SLC44A5: variants seen among roughly 807,000 people sequenced by gnomAD.
The protein encoded by SLC44A5 is solute carrier family 44 member 5, also known as choline transporter-like protein 5.
SLC44A5 carries 57 observed loss-of-function variants against 101.8 expected under a neutral mutation model. The ratio of observed to expected loss-of-function variants is 0.56; its 90% confidence interval spans 0.45 to 0.70. The LOEUF (loss-of-function observed/expected upper bound fraction) is 0.70, where lower values mean the gene tolerates loss of function less well. SLC44A5 is among the 30% of genes least tolerant of loss of function. The pLI is 0.00. For synonymous variants in SLC44A5, 281 were observed against 290.9 expected, an observed-to-expected ratio of 0.97 and a Z score of 0.35; for missense variants, 737 against 853.1, an observed-to-expected ratio of 0.86 and a Z score of 1.70.
intron 6 of SLC44A5, among the ~76,000 whole-genome samples, chr1:75,259,508 C>T (rs1386188857): frequency 6.6e-6 from 1 of 152,074 alleles, no homozygotes; most frequent in Non-Finnish European, 1.5e-5. Context: ...TGAACAAAGC[C>T]TCCAAGAAAT....
intron 11 of SLC44A5, among the ~76,000 whole-genome samples, chr1:75,235,165 A>G (rs747030202): frequency 2.1e-4 from 32 of 152,080 alleles, no homozygotes; most frequent in Non-Finnish European, 4.1e-4. Context: ...GGACACTTTA[A>G]TGCTTAAATA....
At chr1:75,571,787 C>T (rs763995386) in intron 1 of SLC44A5, among the ~76,000 whole-genome samples, 1 of 151,934 alleles carries the variant, frequency 6.6e-6, no homozygotes, top group Non-Finnish European at 1.5e-5. Flanking sequence ...GACATAACTC[C>T]ACTAAGTTAA....
At chr1:75,253,261 C>G (rs1049530727) in intron 6 of SLC44A5, among the ~76,000 whole-genome samples, 2 of 152,178 alleles carry the variant, frequency 1.3e-5, no homozygotes, top group Admixed American at 6.5e-5. Context: ...TCTCTCACTC[C>G]AAGTTCTTTG....
At chr1:75,672,682 T>C in the SLC44A5 span, among the ~76,000 whole-genome samples, 1 of 152,148 alleles carries the variant, frequency 6.6e-6, no homozygotes, top group Non-Finnish European at 1.5e-5. Context: ...ATTGCAGCTC[T>C]GGGAGAGATT....
At chr1:75,687,020 T>C in the SLC44A5 span, among the ~76,000 whole-genome samples, 1 of 152,276 alleles carries the variant, frequency 6.6e-6, no homozygotes, top group South Asian at 2.1e-4. Flanking sequence ...CGCAGAAGAA[T>C]AGAGAATTCC....
At chr1:75,562,880 C>T (rs911210742) in intron 1 of SLC44A5, among the ~76,000 whole-genome samples, 15 of 148,580 alleles carry the variant, frequency 1.0e-4, no homozygotes, top group Admixed American at 8.8e-4. Flanking sequence ...TAGTAATCCT[C>T]AATATGTGAA....
At chr1:75,514,110 A>T (rs78915135) in intron 2 of SLC44A5, among the ~76,000 whole-genome samples, 1,949 of 152,196 alleles carry the variant, frequency 0.013, 32 homozygotes, top group Middle Eastern at 0.054. Flanking sequence ...CTCCGAAAGC[A>T]CTGGCGTTAC....
chr1:75,476,034 T>A (rs1189164327), intron 2 of SLC44A5, among the ~76,000 whole-genome samples: 4 of 151,962 alleles, frequency 2.6e-5, no homozygotes, highest in Non-Finnish European at 5.9e-5. Flanking sequence ...AATACAAAAA[T>A]TAGCTGGGAA....
chr1:75,404,878 C>T (rs1375594253), intron 2 of SLC44A5, among the ~76,000 whole-genome samples: 1 of 151,994 alleles, frequency 6.6e-6, no homozygotes, highest in Admixed American at 6.6e-5. Flanking sequence ...AGTTAAATGC[C>T]CCAATTTAAA....
the SLC44A5 span, among the ~76,000 whole-genome samples, chr1:75,721,282 G>T: frequency 1.3e-5 from 2 of 152,194 alleles, no homozygotes; most frequent in Non-Finnish European, 2.9e-5. Context: ...TTTACAGCAA[G>T]CTTGTCCAAC....
intron 3 of SLC44A5, among the ~76,000 whole-genome samples, chr1:75,348,851 G>C (rs186762731): frequency 2.0e-5 from 3 of 152,230 alleles, no homozygotes; most frequent in East Asian, 1.9e-4. Context: ...TAAATGTGAA[G>C]AACTATAAAG....
At chr1:75,476,487 T>C (rs1667411117) in intron 2 of SLC44A5, among the ~76,000 whole-genome samples, 2 of 152,168 alleles carry the variant, frequency 1.3e-5, no homozygotes, top group Admixed American at 1.3e-4. Flanking sequence ...CAGGGAGTTC[T>C]CTTTCCTAGT....
chr1:75,272,770 C>T (rs1221302436), intron 6 of SLC44A5, among the ~76,000 whole-genome samples: 1 of 152,070 alleles, frequency 6.6e-6, no homozygotes, highest in African/African-American at 2.4e-5. Context: ...ATATCAGTAC[C>T]ATGCTGTTTT....
In SLC44A5 at chr1:75,375,354, G is replaced by A. The variant is rs114169947; in HGVS notation, c.52+21229C>T. Among the ~76,000 whole-genome samples, 1,463 of 152,276 alleles carry A rather than the reference G, an allele frequency of 9.6e-3. 12 individuals are homozygous for A. The highest frequency in any genetic ancestry group is 0.048 in the Middle Eastern group (14 of 294). On this transcript the variant is annotated intron_variant, in intron 3 of 23. Coordinates refer to ENST00000370859, the MANE Select transcript of SLC44A5 (RefSeq NM_001130058.2). ...TAGACAAACCCTCTAGAGACTATAC[G>A]TGTGACTCACTGGCATGTCTGAGAG...
At chr1:75,215,408 G>C (rs563135005) in intron 19 of SLC44A5, among the ~76,000 whole-genome samples, 44 of 152,000 alleles carry the variant, frequency 2.9e-4, no homozygotes, top group Admixed American at 7.9e-4. Context: ...GAATTAGAAA[G>C]TATTTTCTTC....
chr1:75,269,992 CCT>C (rs1179273875), intron 6 of SLC44A5, among the ~76,000 whole-genome samples: 1 of 152,092 alleles, frequency 6.6e-6, no homozygotes, highest in Non-Finnish European at 1.5e-5. Context: ...AGGGGAAACC[CCT>C]TTCACTTGGT....
At chr1:75,214,874 A>G (rs1646930745) in intron 19 of SLC44A5, among the ~76,000 whole-genome samples, 196 bp from the exon 20 acceptor site, 1 of 152,150 alleles carries the variant, frequency 6.6e-6, no homozygotes, top group Admixed American at 6.6e-5. Context: ...ATTGACAGTC[A>G]GGTGTGCTTC....
intron 22 of SLC44A5, 52 bp downstream of exon 22, chr1:75,213,653 C>G: frequency 8.0e-7 from 1 of 1,254,394 alleles, no homozygotes. Context: ...GTCATCCAGT[C>G]TATAGTATTT....
intron 3 of SLC44A5, among the ~76,000 whole-genome samples, chr1:75,376,195 G>C (rs927688945): frequency 3.3e-5 from 5 of 152,232 alleles, no homozygotes; most frequent in Non-Finnish European, 7.3e-5. Flanking sequence ...TACGCCCATG[G>C]AGTCTCGCTG....
Sources: gnomAD v4.1 joint callset for allele counts (sites outside exome capture counted in the v4.1 genomes callset) on GRCh38, gnomAD v4.1.1 for gene constraint, MANE v1.5 for transcripts, NCBI Gene and HGNC (gene_info 2026-07-23, HGNC 2026-07-21) for gene names.